The following KLRB1 variants were observed in gnomAD, a reference collection of about 807,000 sequenced individuals.
The protein encoded by KLRB1 is killer cell lectin like receptor B1.
Under a neutral mutation model 33.5 loss-of-function variants are expected in KLRB1, and 27 were observed. That is an observed-to-expected ratio of 0.81 (90% CI 0.59 to 1.11). KLRB1 has a LOEUF of 1.11. Ranked by LOEUF, KLRB1 falls within the 50% of genes most tolerant of loss-of-function variation. The pLI, the probability that KLRB1 is intolerant of heterozygous loss-of-function variation, is 0.00. For missense variants in KLRB1, 241 were observed against 254.1 expected (o/e 0.95, Z 0.35); for synonymous variants, 64 against 88.9 (o/e 0.72, Z 1.58).
chr12:9,603,363 T>C (rs1255863856), intron 1 of KLRB1, among the ~76,000 whole-genome samples: 2 of 152,206 alleles, frequency 1.3e-5, no homozygotes, highest in Non-Finnish European at 2.9e-5. Flanking sequence ...CTTGAAACTC[T>C]AAGTTTGTTT....
At chr12:9,603,598 ATT>A (rs35214620) in intron 1 of KLRB1, among the ~76,000 whole-genome samples, 2,756 of 136,444 alleles carry the variant, frequency 0.02, 57 homozygotes, top group African/African-American at 0.051. Context: ...CTAATTTTGT[ATT>A]TTTTTTTTTT....
In KLRB1 at chr12:9,601,503, G is replaced by T; in HGVS notation, c.182C>A (p.Ser61Ter). 1 of 1,608,422 alleles carries T rather than the reference G, an allele frequency of 6.2e-7. No individual in the cohort carries two copies. The highest frequency in any genetic ancestry group is 1.1e-5 in the South Asian group (1 of 90,946). The change falls in exon 2 of 6, where the codon TCA (serine) becomes TAA (stop). Residue 61 changes from serine to a stop codon, truncating the protein, a stop_gained and splice_region_variant. Coordinates refer to ENST00000229402, the MANE Select transcript of KLRB1 (RefSeq NM_002258.3). LOFTEE classifies it high-confidence loss of function. ...ACAGATGATGGTGCCCCACTTACCT[G>T]AAACACTCAACCCAGTAACAACCAA... The part of the protein sequence containing the change: ...LVLVVTGLSV[S>*]VTSLIQKSSI...
intron 5 of KLRB1, among the ~76,000 whole-genome samples, chr12:9,596,318 A>G (rs1475366495): frequency 6.6e-6 from 1 of 152,162 alleles, no homozygotes; most frequent in Non-Finnish European, 1.5e-5. Flanking sequence ...AAAGTTCCCT[A>G]TATTTTATCT....
chr12:9,604,936 C>G lies in KLRB1; in HGVS notation c.85+2819G>C, dbSNP rs190410853. 1.0e-3 allele frequency among the ~76,000 whole-genome samples: 152 copies of G among 152,006 alleles called. 2 individuals carry two copies. The highest frequency in any genetic ancestry group is 3.3e-3 in the African/African-American group (137 of 41,454). On this transcript the variant is annotated intron_variant, in intron 1 of 5. Coordinates refer to ENST00000229402, the MANE Select transcript of KLRB1 (RefSeq NM_002258.3). Reference sequence around the variant, plus strand: ...CATGTGCCATGTTGGTTTGTTGCACCCGTTAACTCGTCATTTACATTAGGT... The same window carrying G: ...CATGTGCCATGTTGGTTTGTTGCACGCGTTAACTCGTCATTTACATTAGGT...
chr12:9,606,712 A>T lies in KLRB1; in HGVS notation c.85+1043T>A, dbSNP rs1454774888. ...AAAAGTATATATATATATATAAAAT[A>T]TATAAAATATATGTATAAAAAGTAT... is the stretch of plus-strand genomic sequence containing the variant. On this transcript the variant is annotated intron_variant, in intron 1 of 5. Coordinates refer to ENST00000229402, the MANE Select transcript of KLRB1 (RefSeq NM_002258.3). Among the ~76,000 whole-genome samples, 62 of 38,658 alleles carry T rather than the reference A, an allele frequency of 1.6e-3. 5 individuals are homozygous for T. The East Asian group carries it at 0.029, about 18-fold the overall frequency. The allele number at this position is 38,658 out of a possible 152,430, so 25.4% of individuals were successfully genotyped here. A position where few individuals can be genotyped will look rare whatever the true frequency, so the allele number is the denominator to read the frequency against.
chr12:9,602,285 C>T (rs1864554357), intron 1 of KLRB1, among the ~76,000 whole-genome samples: 2 of 152,136 alleles, frequency 1.3e-5, no homozygotes, highest in South Asian at 4.1e-4. Context: ...TCTGTAATCA[C>T]ATCAATTACT....
intron 2 of KLRB1, among the ~76,000 whole-genome samples, chr12:9,600,171 G>A (rs990877072): frequency 6.6e-6 from 1 of 152,222 alleles, no homozygotes; most frequent in Non-Finnish European, 1.5e-5. Flanking sequence ...GAGTCTAATT[G>A]TGCCTGTTCC....
In KLRB1 at chr12:9,598,140, G is replaced by A. The variant is rs753350093; in HGVS notation, c.436C>T (p.Arg146Cys). The change falls in exon 5 of 6, where the codon CGT (arginine) becomes TGT (cysteine). Residue 146 changes from arginine to cysteine, a missense_variant. By Grantham distance (180) the Arg-to-Cys change is radical. Coordinates refer to ENST00000229402, the MANE Select transcript of KLRB1 (RefSeq NM_002258.3). ...ATCCAAAACAGAATTGCTTTGTCAC[G>A]TATCAGGTTCTGTGTGTGTATCTAT... ...DELIHTQNLI[R>C]DKAILFWIGL... is the part of the protein sequence containing the mutation. 17 of 1,604,480 alleles carry A rather than the reference G, an allele frequency of 1.1e-5. No individual in the cohort carries two copies. In the Admixed American group the frequency reaches 1.5e-4, roughly 14 times the overall value.
At chr12:9,606,710 A>T (rs866725413) in intron 1 of KLRB1, among the ~76,000 whole-genome samples, 8 of 37,288 alleles carry the variant, frequency 2.1e-4, no homozygotes, top group South Asian at 9.1e-4. Context: ...TATATATAAA[A>T]TATATAAAAT....
chr12:9,607,339 T>TCTTTCTTCCTTCCTTCCTTC (rs1555097765), intron 1 of KLRB1, among the ~76,000 whole-genome samples: 5 of 61,260 alleles, frequency 8.2e-5, no homozygotes, highest in African/African-American at 2.1e-4. Context: ...TTCTTTCCTT[T>TCTTTCTTCCTTCCTTCCTTC]CTTTCTTTCT....
At chr12:9,596,907 G>A (rs780494109) in intron 5 of KLRB1, among the ~76,000 whole-genome samples, 14 of 151,998 alleles carry the variant, frequency 9.2e-5, no homozygotes, top group Non-Finnish European at 1.5e-4. Context: ...CCCCCAGAAA[G>A]CAATATAAAA....
intron 1 of KLRB1, among the ~76,000 whole-genome samples, chr12:9,607,380 CTTTCTTTCTTTCTTTCTTTCTTTCT>C (rs1864629233): frequency 2.4e-5 from 2 of 84,552 alleles, no homozygotes. Context: ...TTCTTTCTTT[CTTTCTTTCTTTCTTTCTTTCTTTCT>C]TTTCTTTCTT....
At chr12:9,605,585 T>G (rs2120723484) in intron 1 of KLRB1, among the ~76,000 whole-genome samples, 1 of 152,382 alleles carries the variant, frequency 6.6e-6, no homozygotes, top group East Asian at 1.9e-4. Flanking sequence ...TCCACTTTTC[T>G]AACAGACCAA....
At chr12:9,599,543 T>C (rs1482245770) in intron 3 of KLRB1, among the ~76,000 whole-genome samples, 1 of 152,206 alleles carries the variant, frequency 6.6e-6, no homozygotes, top group Non-Finnish European at 1.5e-5. Context: ...AACCTTAGGC[T>C]CATAAGTCAG....
Position 9,595,154 on chromosome 12 carries a change from C to T in KLRB1, c.*120G>A. On this transcript the variant is annotated 3_prime_UTR_variant, in exon 6 of 6. Coordinates refer to ENST00000229402, the MANE Select transcript of KLRB1 (RefSeq NM_002258.3). ...GTAAGATTCATAACAGTTGTCAATT[C>T]TCAGAATTGTTCACTTTGTGCCACT... 1.3e-6 allele frequency: 1 copy of T among 777,660 alleles called. No individual in the cohort carries two copies. Among genetic ancestry groups the T allele is most frequent in the South Asian group, 1.8e-5 (1 of 54,592 alleles). 48.2% of individuals were successfully genotyped at this position (777,660 alleles called of 1,614,324 possible).
rs943625597 is a variant in KLRB1, at chr12:9,595,035, A to G, written c.*239T>C. ...CGGGGACATCCTTCACTCCTTCACC[A>G]TAGAATATCACTGTTTCTTTAAAAC... is the stretch of plus-strand genomic sequence containing the variant. On this transcript the variant is annotated 3_prime_UTR_variant, in exon 6 of 6. Transcript: ENST00000229402. The G allele has an allele frequency of 5.5e-5, 26 of 471,168 alleles. No individual in the cohort carries two copies. Among genetic ancestry groups the G allele is most frequent in the East Asian group, 2.9e-4 (8 of 27,412 alleles). 29.2% of individuals were successfully genotyped at this position (471,168 alleles called of 1,614,324 possible).
At chr12:9,600,688 C>A (rs1864531367) in intron 2 of KLRB1, among the ~76,000 whole-genome samples, 2 of 152,058 alleles carry the variant, frequency 1.3e-5, no homozygotes, top group African/African-American at 4.8e-5. Context: ...TAAACAGATG[C>A]TTGAAGGCAG....
In KLRB1 at chr12:9,598,603, T is replaced by C. The variant is rs1864513647; in HGVS notation, c.310A>G (p.Lys104Glu). ...CPIYWQQLRE[K>E]CLLFSHTVNP... ...ACAGTGTGAGAAAATAACAAGCATT[T>C]CTCTCGGAGTTGCTGCCAATATATT... The change falls in exon 4 of 6, where the codon AAA becomes GAA. Residue 104 changes from lysine (K) to glutamate (E), a missense_variant. Coordinates refer to ENST00000229402, the MANE Select transcript of KLRB1 (RefSeq NM_002258.3). The C allele has an allele frequency of 6.2e-7, 1 of 1,613,364 alleles. No individual in the cohort carries two copies. The highest frequency in any genetic ancestry group is 8.5e-7 in the Non-Finnish European group (1 of 1,179,450).
chr12:9,604,279 A>G (rs16907843), intron 1 of KLRB1, among the ~76,000 whole-genome samples: 4 of 152,110 alleles, frequency 2.6e-5, no homozygotes, highest in Non-Finnish European at 5.9e-5. Context: ...ATGTGAAATC[A>G]TCTCATTTCA....
Sources: gnomAD v4.1 joint callset for allele counts (sites outside exome capture counted in the v4.1 genomes callset) on GRCh38, gnomAD v4.1.1 for gene constraint, MANE v1.5 for transcripts, NCBI Gene and HGNC (gene_info 2026-07-23, HGNC 2026-07-21) for gene names.